Variants in PWWP3A observed in about 807,000 individuals in gnomAD.
The protein encoded by PWWP3A is PWWP domain-containing DNA repair factor 3A.
PWWP3A carries 53 observed loss-of-function variants against 79.0 expected under a neutral mutation model. The observed-to-expected ratio is 0.67, with a 90% CI of 0.54 to 0.84. The LOEUF is 0.84. PWWP3A is among the 40% of genes least tolerant of loss of function. PWWP3A has a pLI of 0.00. For missense variants in PWWP3A, 973 were observed against 948.0 expected (o/e 1.03, Z -0.35); for synonymous variants, 443 against 394.4 (o/e 1.12, Z -1.46).
intron 4 of PWWP3A, chr19:1,359,094 C>T (rs766352138): frequency 3.2e-5 from 7 of 218,792 alleles, no homozygotes; most frequent in Non-Finnish European, 6.7e-5. Context: ...AAAAGCTTTG[C>T]CTGAGTCCAG....
rs2081933364 is a variant in PWWP3A, at chr19:1,358,420, A to G, written c.170A>G (p.Glu57Gly). ...ATTAAGGTGAAAAGCACTGAAGTTGAGATCCTAGAGAAGTCTCAAATTGAA... is the reference window on the plus strand; with the variant it reads ...ATTAAGGTGAAAAGCACTGAAGTTGGGATCCTAGAGAAGTCTCAAATTGAA... ...EKIKVKSTEVEILEKSQIEAI... is the reference protein window; with the variant it reads ...EKIKVKSTEVGILEKSQIEAI... Residue 57 changes from glutamate to glycine, a missense_variant, in exon 4 of 14, where the codon GAG becomes GGG. Glu to Gly is a moderately conservative substitution (Grantham distance 98). Coordinates refer to ENST00000591337, the MANE Select transcript of PWWP3A (RefSeq NM_001369789.1). The G allele has an allele frequency of 1.2e-6, 2 of 1,614,034 alleles. No individual in the cohort carries two copies. The highest frequency in any genetic ancestry group is 1.7e-6 in the Non-Finnish European group (2 of 1,180,010).
intron 13 of PWWP3A, chr19:1,373,453 T>A (rs1356909747): frequency 6.8e-6 from 3 of 440,166 alleles, no homozygotes; most frequent in Non-Finnish European, 1.2e-5. Context: ...GGCTGATGTT[T>A]GCTTTTTGCA....
At chr19:1,365,850 G>A (rs1312114928) in intron 7 of PWWP3A, among the ~76,000 whole-genome samples, 4 of 152,240 alleles carry the variant, frequency 2.6e-5, no homozygotes, top group Non-Finnish European at 4.4e-5. Context: ...GCCTTCTCAC[G>A]GTGGCCCCGG....
chr19:1,371,479 C>T (rs866391299), intron 12 of PWWP3A: 14 of 685,602 alleles, frequency 2.0e-5, no homozygotes, highest in Middle Eastern at 2.3e-4. Context: ...AGTTGAAAAA[C>T]TGTAAGTGGA....
Position 1,369,436 on chromosome 19 carries a change from G to T in PWWP3A, c.1498+96G>T. On this transcript the variant is annotated intron_variant, in intron 10 of 13. Coordinates refer to ENST00000591337, the MANE Select transcript of PWWP3A (RefSeq NM_001369789.1). This position sits in a 1 kb window ranked among gnomAD's most constrained non-coding sequence, Gnocchi z 4.0. The stretch of plus-strand genomic sequence containing the variant: ...CTGGGCCGGAGCTGCCTGGAGGCGG[G>T]GCATATTTCCGTGGGCCTGGGGCAT... 6 of 1,514,964 alleles carry T rather than the reference G, an allele frequency of 4.0e-6. No individual in the cohort carries two copies. The highest frequency in any genetic ancestry group is 5.5e-6 in the Non-Finnish European group (6 of 1,093,412). The allele number at this position is 1,514,964 out of a possible 1,614,324, so 93.8% of individuals were successfully genotyped here. A position where few individuals can be genotyped will look rare whatever the true frequency, so the allele number is the denominator to read the frequency against.
At chr19:1,358,683 C>T (rs751496485) in intron 4 of PWWP3A, 60 of 1,522,872 alleles carry the variant, frequency 3.9e-5, no homozygotes, top group South Asian at 1.6e-4. Flanking sequence ...CTATTCTTGA[C>T]GCCCAGAATG....
At chr19:1,371,181 G>A in intron 12 of PWWP3A, 103 bp downstream of exon 12, 2 of 1,375,948 alleles carry the variant, frequency 1.5e-6, no homozygotes, top group Non-Finnish European at 2.0e-6. Flanking sequence ...CTGCTCCCTG[G>A]CCGTTCGGCG....
chr19:1,355,357 C>T (rs2081826056), intron 1 of PWWP3A, among the ~76,000 whole-genome samples: 1 of 151,916 alleles, frequency 6.6e-6, no homozygotes, highest in African/African-American at 2.4e-5. Flanking sequence ...GCCCGGACCC[C>T]ATCTCTTGCT....
rs1178022671 is a variant in PWWP3A, at chr19:1,377,643, G to A, written c.*1067G>A. ...CCAGCAGGGTCAGACGTGCTGTTAA[G>A]AGCAAAGCCACAGACGATGACTTGT... On this transcript the variant is annotated 3_prime_UTR_variant, in exon 14 of 14. Transcript: ENST00000591337. The A allele has an allele frequency of 6.6e-6, 1 of 152,392 alleles. No homozygotes were observed. Among genetic ancestry groups the A allele is most frequent in the Non-Finnish European group, 1.5e-5 (1 of 68,156 alleles). 9.4% of individuals were successfully genotyped at this position (152,392 alleles called of 1,614,324 possible). A position where few individuals can be genotyped will look rare whatever the true frequency, so the allele number is the denominator to read the frequency against.
At chr19:1,375,890 C>A (rs1294262822) in intron 13 of PWWP3A, among the ~76,000 whole-genome samples, 1 of 148,644 alleles carries the variant, frequency 6.7e-6, no homozygotes, top group African/African-American at 2.5e-5. Context: ...ACTGCAACCC[C>A]CCCACCGTGC....
rs2082423057 is a variant in PWWP3A at position 1,377,317 on chromosome 19, C to G, written c.*741C>G. 6.6e-6 allele frequency: 1 copy of G among 152,380 alleles called. No individual in the cohort carries two copies. The highest frequency in any genetic ancestry group is 1.5e-5 in the Non-Finnish European group (1 of 68,164). The allele number at this position is 152,380 out of a possible 1,614,324, so 9.4% of individuals were successfully genotyped here. A position where few individuals can be genotyped will look rare whatever the true frequency, so the allele number is the denominator to read the frequency against. ...GGCCTGTCCTGAGTGCATTTCCCTG[C>G]ACTGTGTCGTCACTGCACAGCCAGT... is the stretch of plus-strand genomic sequence containing the variant. On this transcript the variant is annotated 3_prime_UTR_variant, in exon 14 of 14. Transcript: ENST00000591337.
At position 1,360,308 on chromosome 19, in the gene PWWP3A, G is replaced by C. The variant is rs763098781; in HGVS notation, c.387G>C (p.Ser129=). 1 of 1,613,752 alleles carries C rather than the reference G, an allele frequency of 6.2e-7. No homozygotes were observed. The highest frequency in any genetic ancestry group is 1.3e-5 in the African/African-American group (1 of 74,946). Residue 129 remains serine, a synonymous_variant, in exon 5 of 14, where the codon TCG becomes TCC. Coordinates refer to ENST00000591337, the MANE Select transcript of PWWP3A (RefSeq NM_001369789.1). The surrounding 1 kb of genome is among the most constrained non-coding windows in gnomAD (Gnocchi z 4.4). ...GGAAGCCCATGGAGCATGTCTCCTC[G>C]CCCTGTGATTCGAACTCCTCATCTC... is the stretch of plus-strand genomic sequence containing the variant. The part of the protein sequence containing the change: ...LRGKPMEHVS[S]PCDSNSSSLP...
At chr19:1,363,679 G>A (rs2082068441) in intron 6 of PWWP3A, among the ~76,000 whole-genome samples, 1 of 152,174 alleles carries the variant, frequency 6.6e-6, no homozygotes, top group Non-Finnish European at 1.5e-5. Flanking sequence ...TCCCTGACCG[G>A]CCTCTGAATT....
intron 13 of PWWP3A, chr19:1,374,060 G>A (rs975112135): frequency 3.3e-5 from 5 of 152,284 alleles, no homozygotes; most frequent in African/African-American, 7.2e-5. Flanking sequence ...GTAAGAATAA[G>A]TGAGGTCCGG....
At chr19:1,375,691 AAAAC>A (rs944980568) in intron 13 of PWWP3A, among the ~76,000 whole-genome samples, 30 of 136,932 alleles carry the variant, frequency 2.2e-4, no homozygotes, top group African/African-American at 7.1e-4. Flanking sequence ...TATAATATAT[AAAAC>A]AATTTAATAT....
In PWWP3A at chr19:1,360,621, C is replaced by T. The variant is rs1456203996; in HGVS notation, c.700C>T (p.Leu234Phe). The T allele has an allele frequency of 1.1e-5, 18 of 1,613,782 alleles. No individual in the cohort carries two copies. Among genetic ancestry groups the T allele is most frequent in the Admixed American group, 5.0e-5 (3 of 59,988 alleles). Residue 234 changes from leucine (L) to phenylalanine (F), a missense_variant, in exon 5 of 14, where the codon CTT (leucine) becomes TTT (phenylalanine). By Grantham distance (22) the Leu-to-Phe change is conservative (BLOSUM62 0). Transcript: ENST00000591337. This position sits in a 1 kb window ranked among gnomAD's most constrained non-coding sequence, Gnocchi z 4.4. ...TAGCTTGTGCCTGAATGGATCTTCC[C>T]TTTCAGAGGACGACACGGAGAGAGA... ...KASLCLNGSS[L>F]SEDDTERDMG...
chr19:1,375,002 C>T (rs922011045), intron 13 of PWWP3A, among the ~76,000 whole-genome samples: 4 of 151,448 alleles, frequency 2.6e-5, no homozygotes, highest in South Asian at 4.2e-4. Flanking sequence ...AGGTGGATCA[C>T]GAGGTCAGGA....
At chr19:1,373,478 T>C (rs2082304646) in intron 13 of PWWP3A, 1 of 375,220 alleles carries the variant, frequency 2.7e-6, no homozygotes, top group Admixed American at 4.2e-5. Context: ...CCTCCCCTCT[T>C]TCCACAGCCC....
At chr19:1,364,389 AAGTC>A (rs2082085267) in intron 6 of PWWP3A, 116 bp from the exon 7 acceptor site, 4 of 735,184 alleles carry the variant, frequency 5.4e-6, no homozygotes, top group South Asian at 1.7e-5. Context: ...GAATGACACA[AAGTC>A]AGGTTTTAAC....
Sources: allele counts gnomAD v4.1 joint callset (sites outside exome capture counted in the v4.1 genomes callset), GRCh38; gene constraint gnomAD v4.1.1; non-coding constraint Gnocchi (gnomAD v3.1); transcripts MANE v1.5; gene names NCBI Gene and HGNC (gene_info 2026-07-23, HGNC 2026-07-21).